Variants in FAM53B observed in about 807,000 individuals in gnomAD.
FAM53B encodes the protein protein FAM53B.
In FAM53B, 12 loss-of-function variants were observed where a neutral mutation model predicts 32.7. The ratio of observed to expected loss-of-function variants is 0.37; its 90% confidence interval spans 0.24 to 0.59. FAM53B has a LOEUF of 0.59. FAM53B is among the 20% of genes least tolerant of loss of function. The probability of loss-of-function intolerance (pLI) is 0.72; values close to 1 mark genes in which losing one functional copy is unlikely to be tolerated. For synonymous variants in FAM53B, 234 were observed against 228.7 expected (o/e 1.02, Z -0.21); for missense variants, 477 against 577.7 (o/e 0.83, Z 1.79).
At chr10:124,631,559 G>A (rs1949391165) in intron 4 of FAM53B, among the ~76,000 whole-genome samples, 1 of 152,174 alleles carries the variant, frequency 6.6e-6, no homozygotes, top group African/African-American at 2.4e-5. Flanking sequence ...CTGGGGAGTT[G>A]TCAAGTTCAC....
intron 4 of FAM53B, among the ~76,000 whole-genome samples, chr10:124,625,758 G>C (rs1949343983): frequency 6.6e-6 from 1 of 152,218 alleles, no homozygotes; most frequent in Non-Finnish European, 1.5e-5. Context: ...AACTGAGTAG[G>C]GGGCACAAAA....
At chr10:124,695,015 C>T (rs900859461) in intron 3 of FAM53B, among the ~76,000 whole-genome samples, 9 of 152,314 alleles carry the variant, frequency 5.9e-5, no homozygotes, top group Admixed American at 2.0e-4. Context: ...GCAGAGCCAG[C>T]GGGGCCCAGC....
Position 124,619,975 on chromosome 10 carries a change from C to T in FAM53B, c.*3267G>A, listed in dbSNP as rs558896598. The T allele has an allele frequency of 6.6e-6, 1 of 152,362 alleles. No individual in the cohort carries two copies. The highest frequency in any genetic ancestry group is 1.5e-5 in the Non-Finnish European group (1 of 68,094). 9.4% of individuals were successfully genotyped at this position (152,362 alleles called of 1,614,324 possible). A position where few individuals can be genotyped will look rare whatever the true frequency, so the allele number is the denominator to read the frequency against. ...AAGCTTGCTCAGACAGGCAGCACAC[C>T]CAGGGCACGGCCACTCACGCCCCCG... is the stretch of plus-strand genomic sequence containing the variant. On this transcript the variant is annotated 3_prime_UTR_variant, in exon 5 of 5. Transcript: ENST00000337318.
intron 4 of FAM53B, among the ~76,000 whole-genome samples, chr10:124,662,971 C>T (rs1949644371): frequency 6.6e-6 from 1 of 152,234 alleles, no homozygotes; most frequent in Non-Finnish European, 1.5e-5. Flanking sequence ...CACCTGTCTA[C>T]AAGCCTAGAC....
At chr10:124,691,862 A>G (rs184205453) in intron 3 of FAM53B, among the ~76,000 whole-genome samples, 1 of 152,294 alleles carries the variant, frequency 6.6e-6, no homozygotes, top group East Asian at 1.9e-4. Flanking sequence ...CCCACACAGG[A>G]TGACTCTCAG....
intron 1 of FAM53B, among the ~76,000 whole-genome samples, chr10:124,712,057 TCA>T (rs1293695364): frequency 6.6e-6 from 1 of 151,946 alleles, no homozygotes; most frequent in Non-Finnish European, 1.5e-5. Flanking sequence ...AGACCTTATA[TCA>T]AAAGAAATAA....
intron 1 of FAM53B, among the ~76,000 whole-genome samples, chr10:124,742,144 A>G (rs538824198): frequency 6.6e-6 from 1 of 152,262 alleles, no homozygotes; most frequent in Admixed American, 6.5e-5. Flanking sequence ...AACCTGAAAA[A>G]GCGCCTGGAA....
chr10:124,623,387 C>T lies in FAM53B; in HGVS notation c.1124G>A (p.Cys375Tyr), dbSNP rs1253345712. 9 of 1,612,454 alleles carry T rather than the reference C, an allele frequency of 5.6e-6. No individual in the cohort carries two copies. The highest frequency in any genetic ancestry group is 1.3e-5 in the African/African-American group (1 of 75,066). The change falls in exon 5 of 5, where the codon TGT (cysteine) becomes TAT (tyrosine). Residue 375 changes from cysteine (C) to tyrosine (Y), a missense_variant. Physicochemically the swap from Cys to Tyr is radical, Grantham distance 194 (BLOSUM62 -2). Coordinates refer to ENST00000337318, the MANE Select transcript of FAM53B (RefSeq NM_014661.4). ...DHLACQEDLS[C>Y]EESDSCALDE... Reference sequence around the variant, plus strand: ...CAGGGCGCAGCTGTCTGACTCCTCACAGGACAGGTCCTCCTGGCAGGCGAG... The same window carrying T: ...CAGGGCGCAGCTGTCTGACTCCTCATAGGACAGGTCCTCCTGGCAGGCGAG...
At chr10:124,736,493 T>C (rs1237827671) in intron 1 of FAM53B, among the ~76,000 whole-genome samples, 1 of 152,246 alleles carries the variant, frequency 6.6e-6, no homozygotes, top group Admixed American at 6.5e-5. Context: ...AACTTAGTCT[T>C]TCCACTTCCA....
At chr10:124,739,057 CAAA>C (rs1396252011) in intron 1 of FAM53B, among the ~76,000 whole-genome samples, 10 of 144,074 alleles carry the variant, frequency 6.9e-5, no homozygotes, top group African/African-American at 2.3e-4. Context: ...AAAAAAAAAA[CAAA>C]AAACAAAAAA....
chr10:124,638,239 G>A (rs570466524), intron 4 of FAM53B, among the ~76,000 whole-genome samples: 6 of 152,172 alleles, frequency 3.9e-5, no homozygotes, highest in Admixed American at 1.3e-4. Flanking sequence ...GTGTGGTGGC[G>A]GGCGCCTGTA....
intron 4 of FAM53B, among the ~76,000 whole-genome samples, chr10:124,675,373 G>A (rs1949730633): frequency 6.6e-6 from 1 of 152,186 alleles, no homozygotes; most frequent in South Asian, 2.1e-4. Context: ...GCAGGATCCC[G>A]GCCCACCAAG....
At chr10:124,707,926 C>G (rs1318849807) in intron 1 of FAM53B, 2 of 152,220 alleles carry the variant, frequency 1.3e-5, no homozygotes, top group Non-Finnish European at 2.9e-5. Flanking sequence ...TCCGCAGCCC[C>G]TCTCCGATAA....
At chr10:124,743,515 C>A (rs1355373332) in intron 1 of FAM53B, among the ~76,000 whole-genome samples, 1 of 152,182 alleles carries the variant, frequency 6.6e-6, no homozygotes, top group Non-Finnish European at 1.5e-5. Flanking sequence ...TCCCGCACCC[C>A]GGGGGTGGCG....
chr10:124,697,860 C>T (rs1441529996), intron 2 of FAM53B, among the ~76,000 whole-genome samples: 2 of 152,140 alleles, frequency 1.3e-5, no homozygotes, highest in African/African-American at 4.8e-5. Context: ...TGTAACCATC[C>T]CCTCTACCGC....
At chr10:124,692,320 T>C (rs1426197026) in intron 3 of FAM53B, among the ~76,000 whole-genome samples, 1 of 152,156 alleles carries the variant, frequency 6.6e-6, no homozygotes, top group South Asian at 2.1e-4. Flanking sequence ...CTGTATCAAG[T>C]TCCTAAACTG....
chr10:124,630,917 G>A (rs530279013), intron 4 of FAM53B, among the ~76,000 whole-genome samples: 325 of 152,350 alleles, frequency 2.1e-3, no homozygotes, highest in Non-Finnish European at 3.9e-3. Flanking sequence ...CACTGTCTCA[G>A]ACTGGTCAGA....
At chr10:124,708,271 T>C (rs1949975182) in intron 1 of FAM53B, among the ~76,000 whole-genome samples, 1 of 152,238 alleles carries the variant, frequency 6.6e-6, no homozygotes, top group African/African-American at 2.4e-5. Flanking sequence ...TGTTTTCCTG[T>C]TTACTTCAAT....
chr10:124,662,296 G>A (rs1421026785), intron 4 of FAM53B, among the ~76,000 whole-genome samples: 2 of 152,232 alleles, frequency 1.3e-5, no homozygotes, highest in Non-Finnish European at 2.9e-5. Context: ...CACAGTGCCT[G>A]CCACACTGTC....
Sources: gnomAD v4.1 joint callset for allele counts (sites outside exome capture counted in the v4.1 genomes callset) on GRCh38, gnomAD v4.1.1 for gene constraint, MANE v1.5 for transcripts, NCBI Gene and HGNC (gene_info 2026-07-23, HGNC 2026-07-21) for gene names.